KCND2: variants seen among roughly 807,000 people sequenced by gnomAD.
KCND2 encodes the protein potassium voltage-gated channel subfamily D member 2.
KCND2 carries 16 observed loss-of-function variants against 54.4 expected under a neutral mutation model. The observed-to-expected ratio is 0.29, with a 90% CI of 0.20 to 0.45. The LOEUF (loss-of-function observed/expected upper bound fraction) is 0.45. Among genes scored for constraint, KCND2 ranks in the 20% least tolerant of loss-of-function variants. The probability of loss-of-function intolerance (pLI) is 1.00; values close to 1 mark genes in which losing one functional copy is unlikely to be tolerated. For synonymous variants in KCND2, 317 were observed against 310.7 expected, an observed-to-expected ratio of 1.02 and a Z score of -0.21; for missense variants, 486 against 824.2, an observed-to-expected ratio of 0.59 and a Z score of 5.02.
intron 1 of KCND2, among the ~76,000 whole-genome samples, chr7:120,413,820 AT>A (rs76050213): frequency 1.2e-4 from 18 of 150,254 alleles, no homozygotes; most frequent in East Asian, 3.9e-4. Flanking sequence ...CTTACTAGGA[AT>A]TTTTTTTTTC....
chr7:120,306,349 T>G (rs1013770723), intron 1 of KCND2, among the ~76,000 whole-genome samples: 17 of 152,130 alleles, frequency 1.1e-4, no homozygotes, highest in African/African-American at 3.1e-4. Context: ...ACTGATATTT[T>G]TGAACAATGG....
At chr7:120,727,702 G>A (rs972102702) in intron 1 of KCND2, among the ~76,000 whole-genome samples, 6 of 152,200 alleles carry the variant, frequency 3.9e-5, no homozygotes, top group East Asian at 3.9e-4. Flanking sequence ...CTTTTTAACC[G>A]ATATGAGGAA....
intron 1 of KCND2, among the ~76,000 whole-genome samples, chr7:120,728,292 T>C (rs1368639387): frequency 1.3e-5 from 2 of 150,830 alleles, no homozygotes; most frequent in African/African-American, 2.4e-5. Context: ...CTTTTTTTTT[T>C]TTTTTTTAAA....
chr7:120,631,083 C>A (rs1204766575), intron 1 of KCND2, among the ~76,000 whole-genome samples: 1 of 152,084 alleles, frequency 6.6e-6, no homozygotes, highest in Admixed American at 6.5e-5. Context: ...TAAGAAATGT[C>A]TGAAAATTTT....
chr7:120,667,971 G>A (rs76982509), intron 1 of KCND2, among the ~76,000 whole-genome samples: 4 of 151,910 alleles, frequency 2.6e-5, no homozygotes, highest in African/African-American at 7.2e-5. Flanking sequence ...AGAAAAAAAA[G>A]AGTACATTTA....
chr7:120,390,210 T>C (rs914790851), intron 1 of KCND2, among the ~76,000 whole-genome samples: 1 of 151,944 alleles, frequency 6.6e-6, no homozygotes, highest in African/African-American at 2.4e-5. Context: ...TTCATAAGGA[T>C]AAAATTTTTA....
At chr7:120,566,160 T>C (rs1792294654) in intron 1 of KCND2, among the ~76,000 whole-genome samples, 1 of 152,170 alleles carries the variant, frequency 6.6e-6, no homozygotes, top group Non-Finnish European at 1.5e-5. Flanking sequence ...TTGGCATTAA[T>C]AATATTTTAC....
intron 1 of KCND2, among the ~76,000 whole-genome samples, chr7:120,450,981 C>A (rs940379193): frequency 3.3e-5 from 5 of 152,246 alleles, no homozygotes; most frequent in South Asian, 4.2e-4. Context: ...AAAAACAGTC[C>A]TCTAATTCCT....
chr7:120,334,754 AC>A, intron 1 of KCND2, among the ~76,000 whole-genome samples: 1 of 152,290 alleles, frequency 6.6e-6, no homozygotes, highest in Non-Finnish European at 1.5e-5. Context: ...AGCAGTAGAA[AC>A]AGTTTATTTG....
Position 120,406,337 on chromosome 7 carries a change from A to G in KCND2, c.1115+130590A>G, listed in dbSNP as rs73433834. On this transcript the variant is annotated intron_variant, in intron 1 of 5. Transcript: ENST00000331113. ...ACATAAAAGATGTAAACTCTCAATC[A>G]TATGAAATTTTCTTTCACTGCATTA... is the stretch of plus-strand genomic sequence containing the variant. 8.8e-3 allele frequency among the ~76,000 whole-genome samples: 1,332 copies of G among 152,140 alleles called. 16 individuals are homozygous for G. The highest frequency in any genetic ancestry group is 0.031 in the African/African-American group (1,273 of 41,536).
chr7:120,503,040 C>T (rs1419008169), intron 1 of KCND2, among the ~76,000 whole-genome samples: 2 of 152,024 alleles, frequency 1.3e-5, no homozygotes, highest in African/African-American at 2.4e-5. Context: ...GCAAGGAATG[C>T]CCACTAATCT....
intron 1 of KCND2, among the ~76,000 whole-genome samples, chr7:120,463,717 A>G (rs550032715): frequency 3.3e-5 from 5 of 152,228 alleles, no homozygotes; most frequent in African/African-American, 1.2e-4. Flanking sequence ...TACCATTTAT[A>G]TCTTGGTTTA....
chr7:120,333,816 A>G (rs1192563330), intron 1 of KCND2, among the ~76,000 whole-genome samples: 1 of 152,150 alleles, frequency 6.6e-6, no homozygotes, highest in Non-Finnish European at 1.5e-5. Context: ...GTTGCTCAGT[A>G]TTACACTGTG....
At chr7:120,655,538 C>A (rs1255871787) in intron 1 of KCND2, among the ~76,000 whole-genome samples, 1 of 151,908 alleles carries the variant, frequency 6.6e-6, no homozygotes, top group African/African-American at 2.4e-5. Context: ...TGTTTATATG[C>A]AGTAGTTGAA....
At chr7:120,692,439 A>T (rs1480119051) in intron 1 of KCND2, among the ~76,000 whole-genome samples, 1 of 152,166 alleles carries the variant, frequency 6.6e-6, no homozygotes, top group East Asian at 1.9e-4. Flanking sequence ...ATAGTCATTT[A>T]CTATAATGAC....
rs547888863 is a variant in KCND2 at position 120,710,697 on chromosome 7, T to TA, written c.1116-22197dup. Among the ~76,000 whole-genome samples, 1,005 of 151,700 alleles carry TA rather than the reference T, an allele frequency of 6.6e-3. 15 individuals carry two copies. The highest frequency in any genetic ancestry group is 0.023 in the African/African-American group (953 of 41,394). Reference sequence around the variant, plus strand: ...ATCTAAGGTTGGTACTTAGATTGTATAAAAAAAAATTAAACAAGTTTTTAG... The same window carrying TA: ...ATCTAAGGTTGGTACTTAGATTGTATAAAAAAAAAATTAAACAAGTTTTTAG... On this transcript the variant is annotated intron_variant, in intron 1 of 5. Coordinates refer to ENST00000331113, the MANE Select transcript of KCND2 (RefSeq NM_012281.3).
At chr7:120,569,156 A>G (rs1222768735) in intron 1 of KCND2, among the ~76,000 whole-genome samples, 1 of 152,118 alleles carries the variant, frequency 6.6e-6, no homozygotes, top group Non-Finnish European at 1.5e-5. Context: ...TATTCCTTCT[A>G]CATAAAGATA....
chr7:120,632,006 C>T (rs1793239209), intron 1 of KCND2, among the ~76,000 whole-genome samples: 1 of 152,108 alleles, frequency 6.6e-6, no homozygotes, highest in Non-Finnish European at 1.5e-5. Flanking sequence ...TCAGGACTCC[C>T]AACCCGATTT....
chr7:120,628,498 C>G (rs1490344781), intron 1 of KCND2, among the ~76,000 whole-genome samples: 1 of 152,100 alleles, frequency 6.6e-6, no homozygotes, highest in Non-Finnish European at 1.5e-5. Context: ...ACAGGAAATC[C>G]CCTCTGAGGT....
Sources: allele counts gnomAD v4.1 joint callset (sites outside exome capture counted in the v4.1 genomes callset), GRCh38; gene constraint gnomAD v4.1.1; transcripts MANE v1.5; gene names NCBI Gene and HGNC (gene_info 2026-07-23, HGNC 2026-07-21).